The following RIMKLB variants were observed in gnomAD, a reference collection of about 807,000 sequenced individuals.
RIMKLB encodes the protein ribosomal modification protein rimK like family member B, also known as beta-citrylglutamate synthase B.
In RIMKLB, 7 loss-of-function variants were observed where a neutral mutation model predicts 32.0. That is an observed-to-expected ratio of 0.22 (90% confidence interval 0.12 to 0.41). The LOEUF is 0.41. RIMKLB is among the 10% of genes least tolerant of loss of function. The probability of loss-of-function intolerance (pLI) is 1.00; values close to 1 mark genes in which losing one functional copy is unlikely to be tolerated. For missense variants in RIMKLB, 289 were observed against 498.7 expected, an observed-to-expected ratio of 0.58 and a Z score of 4.00; for synonymous variants, 172 against 185.1, an observed-to-expected ratio of 0.93 and a Z score of 0.57.
chr12:8,693,242 G>A (rs1942783282), upstream of RIMKLB, among the ~76,000 whole-genome samples: 1 of 152,160 alleles, frequency 6.6e-6, no homozygotes, highest in African/African-American at 2.4e-5. Flanking sequence ...TAGAATCAGA[G>A]ACGTGGGGTT....
At chr12:8,671,003 T>C in the RIMKLB span, among the ~76,000 whole-genome samples, 1 of 152,194 alleles carries the variant, frequency 6.6e-6, no homozygotes, top group African/African-American at 2.4e-5. Context: ...CAGCCACGGC[T>C]GGAGTGGCTG....
At chr12:8,695,180 C>G (rs900501408), upstream of RIMKLB, among the ~76,000 whole-genome samples, 6 of 146,324 alleles carry the variant, frequency 4.1e-5, no homozygotes, top group Non-Finnish European at 7.5e-5. Context: ...ATTCAATTGC[C>G]GCACCGCCCC....
chr12:8,698,488 G>A (rs1411164475), intron 1 of RIMKLB, among the ~76,000 whole-genome samples, 191 bp downstream of exon 1: 1 of 152,118 alleles, frequency 6.6e-6, no homozygotes, highest in African/African-American at 2.4e-5. Flanking sequence ...GAGTCGGTGG[G>A]GAGCGAGGCG....
At chr12:8,741,576 G>T (rs1285466748) in intron 2 of RIMKLB, among the ~76,000 whole-genome samples, 1 of 151,456 alleles carries the variant, frequency 6.6e-6, no homozygotes, top group Non-Finnish European at 1.5e-5. Flanking sequence ...TCAGGAGATC[G>T]AGACCAGCCT....
At chr12:8,747,788 CT>C (rs894083864) in intron 2 of RIMKLB, among the ~76,000 whole-genome samples, 1 of 150,930 alleles carries the variant, frequency 6.6e-6, no homozygotes, top group Non-Finnish European at 1.5e-5. Flanking sequence ...CAGAGTCTCA[CT>C]CTATTGTCCA....
chr12:8,754,614 A>G (rs1418613442), intron 5 of RIMKLB, among the ~76,000 whole-genome samples: 3 of 152,072 alleles, frequency 2.0e-5, no homozygotes, highest in Non-Finnish European at 4.4e-5. Flanking sequence ...TTTAAATACC[A>G]TTTGTATGTT....
chr12:8,692,220 A>T (rs1942753494), upstream of RIMKLB, among the ~76,000 whole-genome samples: 2 of 152,314 alleles, frequency 1.3e-5, no homozygotes, highest in South Asian at 4.1e-4. Context: ...GTCAGAGAGG[A>T]CTAACAATAT....
chr12:8,685,562 G>A lies in RIMKLB; in HGVS notation n.219+3744G>A, dbSNP rs887510349. ...TCTTTTTATTAAATTGTTGCATTCC[G>A]TTTGCTAATATTTTGAGGATTTTTA... On this transcript the variant is annotated intron_variant and non_coding_transcript_variant, in intron 1 of 1. Transcript: ENST00000538758. 5.4e-5 allele frequency among the ~76,000 whole-genome samples: 8 copies of A among 148,750 alleles called. No homozygotes were observed. The South Asian group carries it at 8.3e-4, about 16-fold the overall frequency.
chr12:8,691,477 G>A (rs1942731200), intron 1 of RIMKLB, among the ~76,000 whole-genome samples: 1 of 152,006 alleles, frequency 6.6e-6, no homozygotes, highest in Non-Finnish European at 1.5e-5. Flanking sequence ...AGGTGCAGTG[G>A]TGCATGCCTG....
At chr12:8,674,474 T>C in the RIMKLB span, among the ~76,000 whole-genome samples, 4 of 149,932 alleles carry the variant, frequency 2.7e-5, no homozygotes, top group South Asian at 8.5e-4. Context: ...CTCCTGACCT[T>C]GTGATCCGCC....
At chr12:8,715,284 G>GCA (rs1168838960) in intron 2 of RIMKLB, among the ~76,000 whole-genome samples, 1 of 149,608 alleles carries the variant, frequency 6.7e-6, no homozygotes, top group Non-Finnish European at 1.5e-5. Context: ...GAGTGCAGTG[G>GCA]CACTATCTCA....
intron 1 of RIMKLB, among the ~76,000 whole-genome samples, chr12:8,710,020 G>C (rs959998614): frequency 6.6e-6 from 1 of 152,040 alleles, no homozygotes; most frequent in Non-Finnish European, 1.5e-5. Flanking sequence ...ATGGAGTCTT[G>C]CTGTTTTCCA....
At chr12:8,750,119 C>A in intron 3 of RIMKLB, 27 bp downstream of exon 3, 1 of 1,378,170 alleles carries the variant, frequency 7.3e-7, no homozygotes, top group Non-Finnish European at 1.0e-6. Flanking sequence ...GCATACATAG[C>A]CTGAATATTA....
chr12:8,720,691 C>A (rs1331213100), intron 2 of RIMKLB, among the ~76,000 whole-genome samples: 1 of 152,114 alleles, frequency 6.6e-6, no homozygotes, highest in Non-Finnish European at 1.5e-5. Flanking sequence ...AGGTGCCTGC[C>A]ACCACGCTCA....
chr12:8,770,395 A>G (rs1565425397), intron 5 of RIMKLB, among the ~76,000 whole-genome samples: 1 of 152,122 alleles, frequency 6.6e-6, no homozygotes, highest in Non-Finnish European at 1.5e-5. Flanking sequence ...GTTTTACTGT[A>G]TGTCTCTTCT....
At chr12:8,686,138 C>T (rs1942564267) in intron 1 of RIMKLB, among the ~76,000 whole-genome samples, 1 of 152,052 alleles carries the variant, frequency 6.6e-6, no homozygotes, top group African/African-American at 2.4e-5. Context: ...GACAGGGTTT[C>T]ACCATGTTGG....
intron 1 of RIMKLB, among the ~76,000 whole-genome samples, chr12:8,703,925 T>A (rs1280442905): frequency 6.6e-6 from 1 of 152,198 alleles, no homozygotes; most frequent in Admixed American, 6.5e-5. Context: ...CTTTGATGGT[T>A]CTGATTTCTT....
At chr12:8,734,202 A>C (rs1946800374) in intron 2 of RIMKLB, among the ~76,000 whole-genome samples, 1 of 152,188 alleles carries the variant, frequency 6.6e-6, no homozygotes, top group African/African-American at 2.4e-5. Context: ...CCTAAATCTG[A>C]GATATGGGAG....
At chr12:8,687,347 A>G (rs1942607060) in intron 1 of RIMKLB, among the ~76,000 whole-genome samples, 1 of 152,206 alleles carries the variant, frequency 6.6e-6, no homozygotes. Flanking sequence ...GGACATTTCA[A>G]AACATACAAC....
Sources: allele counts gnomAD v4.1 joint callset (sites outside exome capture counted in the v4.1 genomes callset), GRCh38; gene constraint gnomAD v4.1.1; transcripts MANE v1.5; gene names NCBI Gene and HGNC (gene_info 2026-07-23, HGNC 2026-07-21).